LMBR1: variants seen among roughly 807,000 people sequenced by gnomAD.
LMBR1 encodes the protein limb region 1 protein homolog.
In LMBR1, 52 loss-of-function variants were observed where a neutral mutation model predicts 73.9. The observed-to-expected ratio is 0.70, with a 90% CI of 0.56 to 0.89. The LOEUF (loss-of-function observed/expected upper bound fraction) is 0.89, where lower values mean the gene tolerates loss of function less well. LMBR1 is among the 40% of genes least tolerant of loss of function. The pLI is 0.00. For missense variants in LMBR1, 539 were observed against 579.8 expected (o/e 0.93, Z 0.72); for synonymous variants, 215 against 209.4 (o/e 1.03, Z -0.23).
intron 15 of LMBR1, among the ~76,000 whole-genome samples, chr7:156,708,252 C>T (rs947250770): frequency 6.6e-6 from 1 of 152,246 alleles, no homozygotes; most frequent in Admixed American, 6.5e-5. Context: ...AAAGAATTCA[C>T]GAATCCTTTG....
chr7:156,891,641 G>A (rs911553491), intron 1 of LMBR1, among the ~76,000 whole-genome samples: 1 of 152,130 alleles, frequency 6.6e-6, no homozygotes, highest in African/African-American at 2.4e-5. Context: ...TGGTAGAGAT[G>A]GGGATTCACT....
At position 156,680,369 on chromosome 7, in the gene LMBR1, T is replaced by TGA. The variant is rs1427653790; in HGVS notation, c.*3707_*3708dup. On this transcript the variant is annotated 3_prime_UTR_variant, in exon 17 of 17. Coordinates refer to ENST00000353442, the MANE Select transcript of LMBR1 (RefSeq NM_022458.4). The stretch of plus-strand genomic sequence containing the variant: ...TGTTAAATTTTTGCTTATACGTATC[T>TGA]GAGAGACAGAGAGAGAGAGAGAGAG... 1.6e-4 allele frequency: 12 copies of TGA among 77,194 alleles called. No individual in the cohort carries two copies. The highest frequency in any genetic ancestry group is 5.1e-4 in the African/African-American group (10 of 19,472). The allele number at this position is 77,194 out of a possible 1,614,324, so 4.8% of individuals were successfully genotyped here.
chr7:156,877,650 G>A (rs1024096244), intron 1 of LMBR1, among the ~76,000 whole-genome samples: 4 of 152,142 alleles, frequency 2.6e-5, no homozygotes, highest in African/African-American at 7.2e-5. Flanking sequence ...TTGGGAGGCC[G>A]AGGTGGGCGG....
Position 156,869,908 on chromosome 7 carries a change from A to C in LMBR1, c.66+23020T>G, listed in dbSNP as rs147610048. Among the ~76,000 whole-genome samples, 414 of 152,340 alleles carry C rather than the reference A, an allele frequency of 2.7e-3. 1 individual carries two copies. Among genetic ancestry groups the C allele is most frequent in the Middle Eastern group, 0.01 (3 of 294 alleles). On this transcript the variant is annotated intron_variant, in intron 1 of 16. Transcript: ENST00000353442. ...CAAGACATTCATCATTTCTCATTAT[A>C]AAAAAGGACAAGTTTTTGTTTACAA...
chr7:156,675,677 GCC>G (rs770549601), downstream of LMBR1: 4 of 1,391,902 alleles, frequency 2.9e-6, no homozygotes, highest in Non-Finnish European at 2.0e-6. Context: ...GAGCTTACCC[GCC>G]CCCGCCTCCT....
At chr7:156,846,600 A>T (rs1169913979) in intron 1 of LMBR1, among the ~76,000 whole-genome samples, 1 of 152,174 alleles carries the variant, frequency 6.6e-6, no homozygotes, top group Non-Finnish European at 1.5e-5. Flanking sequence ...TATTGTCAAG[A>T]TGTCGGTTCT....
chr7:156,689,246 C>T (rs1467594752), intron 15 of LMBR1, among the ~76,000 whole-genome samples: 2 of 152,006 alleles, frequency 1.3e-5, no homozygotes, highest in African/African-American at 4.8e-5. Flanking sequence ...TGTCAACATT[C>T]TTCAAGGAAA....
chr7:156,858,612 G>C (rs1797301578), intron 1 of LMBR1, among the ~76,000 whole-genome samples: 1 of 152,108 alleles, frequency 6.6e-6, no homozygotes, highest in Non-Finnish European at 1.5e-5. Context: ...TTGAAATAAA[G>C]GAAAACTACA....
Position 156,671,535 on chromosome 7 carries a change from C to T in LMBR1, n.867-2248G>A, listed in dbSNP as rs531639248. 2.7e-3 allele frequency among the ~76,000 whole-genome samples: 408 copies of T among 152,276 alleles called. 1 individual carries two copies. Among genetic ancestry groups the T allele is most frequent in the Non-Finnish European group, 4.9e-3 (332 of 68,024 alleles). On this transcript the variant is annotated intron_variant and non_coding_transcript_variant, in intron 4 of 4. Coordinates refer to the LMBR1 transcript ENST00000430825. The stretch of plus-strand genomic sequence containing the variant: ...TATATCATTATAAAAACTGACCATA[C>T]GCTTGTCCATGATGCAGATGTCATC...
chr7:156,696,621 T>C (rs1808341541), intron 15 of LMBR1, among the ~76,000 whole-genome samples: 1 of 152,154 alleles, frequency 6.6e-6, no homozygotes, highest in African/African-American at 2.4e-5. Flanking sequence ...AGCTCCCCTT[T>C]TGAAAACCAT....
At chr7:156,676,342 T>C (rs761306784), downstream of LMBR1, 28 of 1,613,422 alleles carry the variant, frequency 1.7e-5, no homozygotes, top group South Asian at 2.6e-4. Context: ...GGGCACATGG[T>C]TCGCATTTCA....
intron 1 of LMBR1, among the ~76,000 whole-genome samples, chr7:156,850,254 T>A (rs148312447): frequency 1.3e-5 from 2 of 152,296 alleles, no homozygotes; most frequent in East Asian, 3.9e-4. Flanking sequence ...CACCATGGGA[T>A]GATACAACAC....
At chr7:156,674,462 CT>C (rs1803342618), downstream of LMBR1, among the ~76,000 whole-genome samples, 1 of 152,220 alleles carries the variant, frequency 6.6e-6, no homozygotes, top group Admixed American at 6.5e-5. Flanking sequence ...CCTTATTCTC[CT>C]TTGCTTTACA....
chr7:156,859,107 G>A (rs1205986222), intron 1 of LMBR1, among the ~76,000 whole-genome samples: 1 of 152,090 alleles, frequency 6.6e-6, no homozygotes, highest in Non-Finnish European at 1.5e-5. Context: ...TACAAAATTA[G>A]CCAGGTGTGG....
At chr7:156,723,661 T>C (rs1327733263) in intron 15 of LMBR1, among the ~76,000 whole-genome samples, 1 of 152,104 alleles carries the variant, frequency 6.6e-6, no homozygotes, top group African/African-American at 2.4e-5. Context: ...AATCAGAGTG[T>C]GTTCTCAGAG....
Position 156,721,039 on chromosome 7 carries a change from G to C in LMBR1, c.1225+3073C>G, listed in dbSNP as rs138873286. Among the ~76,000 whole-genome samples the C allele has an allele frequency of 2.1e-3, 315 of 152,084 alleles. 8 individuals carry two copies. The East Asian group carries it at 0.033, about 16-fold the overall frequency. On this transcript the variant is annotated intron_variant, in intron 15 of 16. Transcript: ENST00000353442. The stretch of plus-strand genomic sequence containing the variant: ...CTACTTTAACTCCTGTAAGATAATA[G>C]ACTATATGGGACCCAAATGAGAAAT...
intron 9 of LMBR1, among the ~76,000 whole-genome samples, chr7:156,737,410 C>G (rs1818081557): frequency 1.3e-5 from 2 of 152,036 alleles, no homozygotes; most frequent in African/African-American, 2.4e-5. Context: ...TGATGAGAGT[C>G]CATTTTCATG....
chr7:156,752,590 G>A (rs559162891), intron 9 of LMBR1, among the ~76,000 whole-genome samples: 1 of 152,202 alleles, frequency 6.6e-6, no homozygotes, highest in Non-Finnish European at 1.5e-5. Context: ...CTGCAGGGAG[G>A]AGGGTTGGCA....
chr7:156,691,023 AAG>A (rs1305572751), intron 15 of LMBR1, among the ~76,000 whole-genome samples: 58 of 152,332 alleles, frequency 3.8e-4, no homozygotes, highest in African/African-American at 1.4e-3. Flanking sequence ...ACAAATGTAA[AAG>A]AGTTTTAAAC....
Sources: gnomAD v4.1 joint callset for allele counts (sites outside exome capture counted in the v4.1 genomes callset) on GRCh38, gnomAD v4.1.1 for gene constraint, MANE v1.5 for transcripts, NCBI Gene and HGNC (gene_info 2026-07-23, HGNC 2026-07-21) for gene names.